Variants in NRXN1 observed in about 807,000 individuals in gnomAD.
NRXN1 encodes the protein neurexin 1.
A neutral mutation model predicts 150.9 loss-of-function variants in NRXN1; 39 were observed. The observed-to-expected ratio is 0.26, with a 90% CI of 0.20 to 0.34. The LOEUF (loss-of-function observed/expected upper bound fraction) is 0.34, where lower values mean the gene tolerates loss of function less well. Ranked by LOEUF, NRXN1 falls within the 10% of genes least tolerant of loss-of-function variation. NRXN1 has a pLI of 1.00. For synonymous variants in NRXN1, 924 were observed against 757.0 expected (o/e 1.22, Z -3.62); for missense variants, 1,815 against 1,949.9 (o/e 0.93, Z 1.30).
At chr2:50,134,250 C>T (rs6545153) in intron 18 of NRXN1, among the ~76,000 whole-genome samples, 45,694 of 138,016 alleles carry the variant, frequency 0.33, 7,540 homozygotes, top group Middle Eastern at 0.38. Context: ...GGTATAGCTG[C>T]CAAAACCAAT....
intron 5 of NRXN1, among the ~76,000 whole-genome samples, chr2:50,890,188 A>G (rs1409378575): frequency 6.6e-6 from 1 of 151,894 alleles, no homozygotes; most frequent in African/African-American, 2.4e-5. Flanking sequence ...TCCTTTTGCT[A>G]TCTGTTATGT....
At chr2:50,623,663 C>A (rs1231164866) in intron 5 of NRXN1, 48 bp from the exon 6 acceptor site, 2 of 1,375,400 alleles carry the variant, frequency 1.5e-6, no homozygotes, top group East Asian at 2.3e-5. Flanking sequence ...ATACACTATG[C>A]AAATCAGCAG....
rs540374942 is a variant in NRXN1 at position 50,028,590 on chromosome 2, A to G, written c.4128+24681T>C. Among the ~76,000 whole-genome samples the G allele has an allele frequency of 3.1e-4, 47 of 152,214 alleles. 2 individuals carry two copies. On this transcript the variant is annotated intron_variant, in intron 21 of 22. Transcript: ENST00000401669. ...GCTGCTACACATCATCTGGATAGGC[A>G]ATCTCTCAGCACACCACCTAGGCCT...
chr2:50,105,618 G>A (rs1238458937), intron 18 of NRXN1, among the ~76,000 whole-genome samples: 1 of 151,972 alleles, frequency 6.6e-6, no homozygotes, highest in African/African-American at 2.4e-5. Flanking sequence ...TCAAAACAAG[G>A]TTAGTCATGG....
At chr2:50,881,903 T>A (rs569363115) in intron 5 of NRXN1, among the ~76,000 whole-genome samples, 37 of 151,798 alleles carry the variant, frequency 2.4e-4, no homozygotes, top group East Asian at 1.9e-4. Context: ...ACTGTTTTTT[T>A]AAAAAAATAT....
At chr2:50,676,261 C>T (rs1689524221) in intron 5 of NRXN1, among the ~76,000 whole-genome samples, 1 of 152,134 alleles carries the variant, frequency 6.6e-6, no homozygotes, top group African/African-American at 2.4e-5. Context: ...GAAGCAGATG[C>T]TGGCACCATG....
At chr2:50,727,457 C>CAT (rs58348198) in intron 5 of NRXN1, among the ~76,000 whole-genome samples, 126,793 of 151,806 alleles carry the variant, frequency 0.84, 53,523 homozygotes, top group African/African-American at 0.96. Context: ...CACACACACA[C>CAT]ACCTACACAT....
intron 5 of NRXN1, among the ~76,000 whole-genome samples, chr2:50,794,893 G>A (rs1268078368): frequency 1.3e-5 from 2 of 152,008 alleles, no homozygotes; most frequent in Admixed American, 6.6e-5. Flanking sequence ...GACTCTTACA[G>A]TGAAAATATA....
At chr2:50,567,022 A>T (rs57012767) in intron 8 of NRXN1, among the ~76,000 whole-genome samples, 2,066 of 152,140 alleles carry the variant, frequency 0.014, 49 homozygotes, top group African/African-American at 0.047. Flanking sequence ...AATCCCCCTT[A>T]GGTTTCATCC....
At chr2:50,126,044 C>T (rs1392641486) in intron 18 of NRXN1, among the ~76,000 whole-genome samples, 1 of 151,970 alleles carries the variant, frequency 6.6e-6, no homozygotes, top group Non-Finnish European at 1.5e-5. Context: ...AGAACAATAG[C>T]AGGAAAGAAA....
chr2:50,372,723 T>A (rs1276260882), intron 17 of NRXN1, among the ~76,000 whole-genome samples: 1 of 152,070 alleles, frequency 6.6e-6, no homozygotes, highest in Non-Finnish European at 1.5e-5. Context: ...ATCGCAAACT[T>A]TAGTGATGTA....
At chr2:49,992,918 G>A (rs1372148878) in intron 21 of NRXN1, among the ~76,000 whole-genome samples, 2 of 152,172 alleles carry the variant, frequency 1.3e-5, no homozygotes, top group Admixed American at 6.5e-5. Context: ...CCAAATGCTG[G>A]CAAGGATGTC....
rs1679688283 is a variant in NRXN1, at chr2:50,619,893, T to C, written c.1320+129A>G. The C allele has an allele frequency of 3.9e-6, 3 of 766,740 alleles. No homozygotes were observed. In the South Asian group the frequency reaches 8.9e-5, roughly 23 times the overall value. The allele number at this position is 766,740 out of a possible 1,614,324, so 47.5% of individuals were successfully genotyped here. ...TCCCCCAATCCTACATAAACAATAG[T>C]AGAATATTGAATTTAAAGTTGTGCC... On this transcript the variant is annotated intron_variant, in intron 8 of 22. Coordinates refer to ENST00000401669, the MANE Select transcript of NRXN1 (RefSeq NM_001330078.2).
chr2:50,573,758 A>G (rs562519632), intron 8 of NRXN1, among the ~76,000 whole-genome samples: 20 of 150,788 alleles, frequency 1.3e-4, no homozygotes, highest in African/African-American at 4.4e-4. Flanking sequence ...TAATAATAAT[A>G]ATAATAAATA....
chr2:50,592,819 GAAA>G (rs987385022), intron 8 of NRXN1, among the ~76,000 whole-genome samples: 1 of 152,122 alleles, frequency 6.6e-6, no homozygotes, highest in East Asian at 1.9e-4. Flanking sequence ...AAAGCCTAGA[GAAA>G]AAAATTTTGG....
chr2:50,062,504 A>G (rs1640378788), intron 19 of NRXN1, among the ~76,000 whole-genome samples: 1 of 152,172 alleles, frequency 6.6e-6, no homozygotes, highest in African/African-American at 2.4e-5. Flanking sequence ...CCAAATGGAC[A>G]AAAATACCAT....
intron 17 of NRXN1, among the ~76,000 whole-genome samples, chr2:50,383,228 G>A (rs2081092883): frequency 6.6e-6 from 1 of 152,068 alleles, no homozygotes; most frequent in South Asian, 2.1e-4. Flanking sequence ...ATATGGTCTG[G>A]TCTGATCATT....
At chr2:50,900,004 A>T (rs72823559) in intron 5 of NRXN1, among the ~76,000 whole-genome samples, 5,561 of 152,308 alleles carry the variant, frequency 0.037, 205 homozygotes, top group East Asian at 0.21. Context: ...AAGACATGAA[A>T]TATACCAAAA....
chr2:50,526,385 G>A (rs1361017481), intron 12 of NRXN1, among the ~76,000 whole-genome samples: 1 of 152,180 alleles, frequency 6.6e-6, no homozygotes, highest in African/African-American at 2.4e-5. Flanking sequence ...TATCGGCTGT[G>A]ATTTAATAAA....
Sources: gnomAD v4.1 joint callset for allele counts (sites outside exome capture counted in the v4.1 genomes callset) on GRCh38, gnomAD v4.1.1 for gene constraint, MANE v1.5 for transcripts, NCBI Gene and HGNC (gene_info 2026-07-23, HGNC 2026-07-21) for gene names.